Variants in LTBP1 observed in about 807,000 individuals in gnomAD.
LTBP1 encodes latent-transforming growth factor beta-binding protein 1.
LTBP1 carries 129 observed loss-of-function variants against 207.6 expected under a neutral mutation model. That is an observed-to-expected ratio of 0.62 (90% CI 0.54 to 0.72). The LOEUF is 0.72. Ranked by LOEUF, LTBP1 falls within the 30% of genes least tolerant of loss-of-function variation. The pLI is 0.00. For missense variants in LTBP1, 2,281 were observed against 2,217.2 expected (o/e 1.03, Z -0.58); for synonymous variants, 963 against 833.7 (o/e 1.16, Z -2.67).
intron 12 of LTBP1, among the ~76,000 whole-genome samples, chr2:33,258,847 A>G (rs986712257): frequency 6.6e-6 from 1 of 152,196 alleles, no homozygotes; most frequent in Non-Finnish European, 1.5e-5. Flanking sequence ...TGATTGACTT[A>G]TGAGAAAAAT....
chr2:33,323,292 A>G (rs2094382290), intron 24 of LTBP1, among the ~76,000 whole-genome samples: 1 of 152,172 alleles, frequency 6.6e-6, no homozygotes, highest in African/African-American at 2.4e-5. Context: ...GTTATATGGG[A>G]ACTCGAAGTA....
At chr2:33,009,137 T>C (rs1275794693) in intron 2 of LTBP1, among the ~76,000 whole-genome samples, 1 of 152,202 alleles carries the variant, frequency 6.6e-6, no homozygotes, top group Non-Finnish European at 1.5e-5. Flanking sequence ...CTGGTTGCTC[T>C]GGTGAGAATA....
At chr2:33,100,815 GTCTT>G (rs2079688134) in intron 3 of LTBP1, among the ~76,000 whole-genome samples, 1 of 152,100 alleles carries the variant, frequency 6.6e-6, no homozygotes, top group East Asian at 1.9e-4. Flanking sequence ...TTTTATGTCT[GTCTT>G]ATTTCACTTA....
At chr2:33,186,218 A>G (rs2087175727) in intron 5 of LTBP1, among the ~76,000 whole-genome samples, 1 of 152,144 alleles carries the variant, frequency 6.6e-6, no homozygotes, top group African/African-American at 2.4e-5. Flanking sequence ...TATTATTTTT[A>G]TTACTGATTT....
intron 9 of LTBP1, among the ~76,000 whole-genome samples, chr2:33,233,502 G>C (rs966009890): frequency 6.6e-6 from 1 of 152,094 alleles, no homozygotes; most frequent in African/African-American, 2.4e-5. Context: ...GAGAATATTT[G>C]TGTTCAAATC....
rs1037635305 is a variant in LTBP1, at chr2:32,947,279, A to T, written c.-46A>T. ...GAAAGGCGAGCCGCACGGCCGGGGGAGGGGGCCGGACCGCGCGCGACCGGT... is the reference window on the plus strand; with the variant it reads ...GAAAGGCGAGCCGCACGGCCGGGGGTGGGGGCCGGACCGCGCGCGACCGGT... On this transcript the variant is annotated 5_prime_UTR_variant, in exon 1 of 34. Transcript: ENST00000404816. 46 of 1,112,852 alleles carry T rather than the reference A, an allele frequency of 4.1e-5. No homozygotes were observed. The highest frequency in any genetic ancestry group is 4.7e-5 in the Non-Finnish European group (42 of 896,408). The allele number at this position is 1,112,852 out of a possible 1,614,324, so 68.9% of individuals were successfully genotyped here.
chr2:33,101,951 T>G (rs1291079612), intron 3 of LTBP1, among the ~76,000 whole-genome samples: 1 of 152,196 alleles, frequency 6.6e-6, no homozygotes, highest in Non-Finnish European at 1.5e-5. Flanking sequence ...GCAGATAGGA[T>G]ATCTGCTTTT....
At chr2:33,153,572 C>T (rs375366734) in intron 5 of LTBP1, among the ~76,000 whole-genome samples, 14 of 152,184 alleles carry the variant, frequency 9.2e-5, no homozygotes, top group African/African-American at 1.7e-4. Context: ...AAATCTGAGC[C>T]GCGAAGGATC....
rs1256636597 is a variant in LTBP1 at position 33,301,517 on chromosome 2, C to G, written c.3359-5C>G. 3.8e-6 allele frequency: 6 copies of G among 1,590,082 alleles called. No individual in the cohort carries two copies. Among genetic ancestry groups the G allele is most frequent in the Middle Eastern group, 1.7e-4 (1 of 5,954 alleles). On this transcript the variant is annotated splice_region_variant and splice_polypyrimidine_tract_variant and intron_variant, in intron 21 of 33. Coordinates refer to ENST00000404816, the MANE Select transcript of LTBP1 (RefSeq NM_206943.4). ...CACAGTTTCTTTGTATTCTCTTGCT[C>G]ATAGACATTGATGAATGCCAGCACC... is the stretch of plus-strand genomic sequence containing the variant.
chr2:33,275,175 C>A, intron 17 of LTBP1, 85 bp downstream of exon 17: 1 of 1,472,080 alleles, frequency 6.8e-7, no homozygotes. Flanking sequence ...AGTGCTTATC[C>A]AGACAACCCA....
At chr2:33,277,505 T>C (rs2093450835) in intron 18 of LTBP1, among the ~76,000 whole-genome samples, 1 of 152,076 alleles carries the variant, frequency 6.6e-6, no homozygotes, top group Non-Finnish European at 1.5e-5. Flanking sequence ...GAAGTTAACT[T>C]TCCAGGTTTT....
intron 2 of LTBP1, among the ~76,000 whole-genome samples, chr2:32,956,844 A>G (rs530282996): frequency 2.1e-4 from 32 of 152,332 alleles, no homozygotes; most frequent in Admixed American, 1.6e-3. Context: ...TCTTTGACCC[A>G]TGGACTACAG....
At chr2:33,093,997 A>C (rs1056734244) in intron 3 of LTBP1, among the ~76,000 whole-genome samples, 1 of 152,200 alleles carries the variant, frequency 6.6e-6, no homozygotes, top group African/African-American at 2.4e-5. Context: ...TGTGAAACTT[A>C]AAGATGTAAA....
Position 32,947,401 on chromosome 2 carries a change from G to T in LTBP1, c.77G>T (p.Arg26Leu). Residue 26 changes from arginine to leucine, a missense_variant, in exon 1 of 34, where the codon CGG becomes CTG. Transcript: ENST00000404816. ...LLASSAHGRL[R>L]RITYVVHPGP... Reference sequence around the variant, plus strand: ...GCGTCCTCGGCGCACGGCCGGCTGCGGAGGATCACCTACGTGGTGCACCCG... The same window carrying T: ...GCGTCCTCGGCGCACGGCCGGCTGCTGAGGATCACCTACGTGGTGCACCCG... 7.1e-7 allele frequency: 1 copy of T among 1,414,408 alleles called. No individual in the cohort carries two copies. Among genetic ancestry groups the T allele is most frequent in the Non-Finnish European group, 9.2e-7 (1 of 1,084,630 alleles). The allele number at this position is 1,414,408 out of a possible 1,614,324, so 87.6% of individuals were successfully genotyped here.
chr2:33,042,692 C>T (rs1484940391), intron 3 of LTBP1, among the ~76,000 whole-genome samples: 1 of 152,142 alleles, frequency 6.6e-6, no homozygotes, highest in East Asian at 1.9e-4. Flanking sequence ...GATGAGGTCA[C>T]ATTATTTTGT....
At chr2:33,117,468 C>G (rs913558530) in intron 4 of LTBP1, among the ~76,000 whole-genome samples, 1 of 152,116 alleles carries the variant, frequency 6.6e-6, no homozygotes, top group Non-Finnish European at 1.5e-5. Context: ...AGAGGTTACC[C>G]GTAAGATTGT....
intron 7 of LTBP1, among the ~76,000 whole-genome samples, chr2:33,207,080 AGACTT>A (rs2089941025): frequency 6.6e-6 from 1 of 152,222 alleles, no homozygotes; most frequent in African/African-American, 2.4e-5. Context: ...GCCTGGAAGA[AGACTT>A]GACTGTTGAA....
At chr2:33,073,077 G>T (rs903428001) in intron 3 of LTBP1, among the ~76,000 whole-genome samples, 1 of 152,184 alleles carries the variant, frequency 6.6e-6, no homozygotes, top group Non-Finnish European at 1.5e-5. Flanking sequence ...CGTGGTCATT[G>T]TTAATCTTAA....
chr2:33,378,565 C>A (rs2095173456), intron 31 of LTBP1, among the ~76,000 whole-genome samples: 1 of 152,088 alleles, frequency 6.6e-6, no homozygotes. Flanking sequence ...ATTTGCTCTT[C>A]TTTTTTTCCT....
Sources: gnomAD v4.1 joint callset for allele counts (sites outside exome capture counted in the v4.1 genomes callset) on GRCh38, gnomAD v4.1.1 for gene constraint, MANE v1.5 for transcripts, NCBI Gene and HGNC (gene_info 2026-07-23, HGNC 2026-07-21) for gene names.